SMIM20: variants seen among roughly 807,000 people sequenced by gnomAD.
SMIM20 encodes the protein small integral membrane protein 20.
Under a neutral mutation model 8.7 loss-of-function variants are expected in SMIM20, and 3 were observed. The ratio of observed to expected loss-of-function variants is 0.34; its 90% CI spans 0.16 to 0.89. The LOEUF is 0.89. Among genes scored for constraint, SMIM20 ranks in the 40% least tolerant of loss-of-function variants. The probability of loss-of-function intolerance (pLI) is 0.49; values close to 1 mark genes in which losing one functional copy is unlikely to be tolerated. For missense variants in SMIM20, 85 were observed against 84.8 expected (o/e 1.00, Z -0.01); for synonymous variants, 44 against 33.6 (o/e 1.31, Z -1.07).
chr4:25,919,381 A>C (rs879785863), intron 1 of SMIM20, among the ~76,000 whole-genome samples: 3 of 150,806 alleles, frequency 2.0e-5, no homozygotes, highest in Non-Finnish European at 4.4e-5. Context: ...CTCTGTCACC[A>C]GATTGTTAGT....
At chr4:25,920,067 A>G (rs1719170449) in intron 1 of SMIM20, among the ~76,000 whole-genome samples, 1 of 152,202 alleles carries the variant, frequency 6.6e-6, no homozygotes, top group African/African-American at 2.4e-5. Context: ...TGTCTATTGG[A>G]AAATGTATAG....
At chr4:25,921,992 T>A (rs1405264433) in intron 1 of SMIM20, among the ~76,000 whole-genome samples, 1 of 152,234 alleles carries the variant, frequency 6.6e-6, no homozygotes, top group Admixed American at 6.5e-5. Flanking sequence ...TGAATTATAT[T>A]TAACAGAAAT....
intron 1 of SMIM20, among the ~76,000 whole-genome samples, chr4:25,923,612 C>T (rs1719236658): frequency 6.6e-6 from 1 of 152,190 alleles, no homozygotes; most frequent in Non-Finnish European, 1.5e-5. Flanking sequence ...AAGTGAAAGG[C>T]CACAGGGGAG....
chr4:25,914,278 C>T lies in SMIM20; in HGVS notation c.-36C>T. ...TAACCTGGTTTCCGAGAGTGCCGGG[C>T]GGTCGGCGGGTCAGGGCAGCCCGGG... On this transcript the variant is annotated 5_prime_UTR_variant, in exon 1 of 3. Coordinates refer to ENST00000506197, the MANE Select transcript of SMIM20 (RefSeq NM_001145432.3). The T allele has an allele frequency of 6.5e-7, 1 of 1,530,904 alleles. No homozygotes were observed. Among genetic ancestry groups the T allele is most frequent in the Non-Finnish European group, 8.8e-7 (1 of 1,134,434 alleles). 94.8% of individuals were successfully genotyped at this position (1,530,904 alleles called of 1,614,324 possible). A position where few individuals can be genotyped will look rare whatever the true frequency, so the allele number is the denominator to read the frequency against.
chr4:25,927,158 G>A (rs544221530), intron 1 of SMIM20, among the ~76,000 whole-genome samples: 131 of 152,338 alleles, frequency 8.6e-4, no homozygotes, highest in African/African-American at 2.9e-3. Flanking sequence ...CCATCAGGCC[G>A]CTTGTTGCCT....
chr4:25,915,098 G>A (rs1477900864), intron 1 of SMIM20, among the ~76,000 whole-genome samples: 1 of 152,072 alleles, frequency 6.6e-6, no homozygotes, highest in East Asian at 1.9e-4. Flanking sequence ...GTTAACCTGG[G>A]GTTTGTAGTG....
At chr4:25,918,816 G>C (rs1354137976) in intron 1 of SMIM20, among the ~76,000 whole-genome samples, 1 of 145,076 alleles carries the variant, frequency 6.9e-6, no homozygotes, top group Non-Finnish European at 1.5e-5. Context: ...TCCCAGCCCA[G>C]ATTTCTTTTA....
At chr4:25,914,501 G>T in intron 1 of SMIM20, 79 bp downstream of exon 1, 1 of 1,322,176 alleles carries the variant, frequency 7.6e-7, no homozygotes, top group East Asian at 2.8e-5. Flanking sequence ...ACGTGGTGCC[G>T]TGGAAAGAAC....
chr4:25,922,549 G>A (rs951486066), intron 1 of SMIM20, among the ~76,000 whole-genome samples: 1 of 152,172 alleles, frequency 6.6e-6, no homozygotes, highest in Non-Finnish European at 1.5e-5. Flanking sequence ...CTCCACCGTG[G>A]AAGGTCCTCC....
At chr4:25,928,935 G>A (rs77724726) in intron 2 of SMIM20, among the ~76,000 whole-genome samples, 1 of 152,268 alleles carries the variant, frequency 6.6e-6, no homozygotes, top group Non-Finnish European at 1.5e-5. Context: ...CGGTCTTCCT[G>A]CTATGGGGTA....
chr4:25,922,515 T>G (rs1442145842), intron 1 of SMIM20, among the ~76,000 whole-genome samples: 2 of 152,194 alleles, frequency 1.3e-5, no homozygotes, highest in African/African-American at 2.4e-5. Flanking sequence ...TCTCCTTCCT[T>G]GGAGCACTGT....
intron 1 of SMIM20, among the ~76,000 whole-genome samples, chr4:25,920,723 T>A (rs1444258904): frequency 6.6e-6 from 1 of 152,244 alleles, no homozygotes; most frequent in East Asian, 1.9e-4. Context: ...GCAGGATTCA[T>A]TCAAGGTAAA....
At chr4:25,921,607 C>T (rs1424206852) in intron 1 of SMIM20, among the ~76,000 whole-genome samples, 1 of 152,160 alleles carries the variant, frequency 6.6e-6, no homozygotes, top group African/African-American at 2.4e-5. Context: ...TGAGATTTCC[C>T]ATAGACAATG....
At chr4:25,923,758 T>C (rs553154305) in intron 1 of SMIM20, among the ~76,000 whole-genome samples, 11 of 152,376 alleles carry the variant, frequency 7.2e-5, no homozygotes, top group Non-Finnish European at 1.5e-4. Context: ...AATTCTTACC[T>C]TGTCAGGGCA....
intron 1 of SMIM20, among the ~76,000 whole-genome samples, chr4:25,927,189 A>C (rs935146991): frequency 3.3e-5 from 5 of 152,220 alleles, no homozygotes; most frequent in Non-Finnish European, 7.3e-5. Context: ...TGAGTATCCT[A>C]TGTGTTCTCT....
At chr4:25,921,104 T>C (rs1473152492) in intron 1 of SMIM20, among the ~76,000 whole-genome samples, 1 of 152,214 alleles carries the variant, frequency 6.6e-6, no homozygotes, top group East Asian at 1.9e-4. Context: ...TGATTGTATG[T>C]TAACTAGAAG....
intron 1 of SMIM20, among the ~76,000 whole-genome samples, chr4:25,919,599 C>T (rs184665081): frequency 0.014 from 2,105 of 152,246 alleles, 20 homozygotes; most frequent in Middle Eastern, 0.024. Flanking sequence ...CCGGCTGTCT[C>T]AGCCTCTCAA....
intron 1 of SMIM20, among the ~76,000 whole-genome samples, chr4:25,920,664 G>A (rs1363644748): frequency 6.6e-6 from 1 of 152,136 alleles, no homozygotes; most frequent in African/African-American, 2.4e-5. Context: ...AATGTCTTAG[G>A]CCTTCACATT....
intron 1 of SMIM20, among the ~76,000 whole-genome samples, chr4:25,918,581 G>C (rs978050311): frequency 1.3e-5 from 2 of 151,832 alleles, no homozygotes; most frequent in Admixed American, 1.3e-4. Context: ...TGTGATCTTA[G>C]CTCACTGCAA....
Sources: allele counts gnomAD v4.1 joint callset (sites outside exome capture counted in the v4.1 genomes callset), GRCh38; gene constraint gnomAD v4.1.1; transcripts MANE v1.5; gene names NCBI Gene and HGNC (gene_info 2026-07-23, HGNC 2026-07-21).